Variants in SPG11 observed in about 807,000 individuals in gnomAD.
SPG11 encodes the protein spatacsin.
A neutral mutation model predicts 274.0 loss-of-function variants in SPG11; 222 were observed. The observed-to-expected ratio is 0.81, with a 90% CI of 0.73 to 0.91. The LOEUF is 0.91. Ranked by LOEUF, SPG11 falls within the 40% of genes least tolerant of loss-of-function variation. SPG11 has a pLI of 0.00. For missense variants in SPG11, 3,114 were observed against 2,872.7 expected (o/e 1.08, Z -1.92); for synonymous variants, 1,144 against 1,039.7 (o/e 1.10, Z -1.93).
At chr15:44,615,860 T>C (rs1311708379) in intron 15 of SPG11, among the ~76,000 whole-genome samples, 1 of 152,204 alleles carries the variant, frequency 6.6e-6, no homozygotes, top group African/African-American at 2.4e-5. Flanking sequence ...TTACCCAGTA[T>C]AGCAACAGTG....
intron 11 of SPG11, among the ~76,000 whole-genome samples, chr15:44,625,527 T>C (rs778818669): frequency 6.6e-6 from 1 of 152,188 alleles, no homozygotes; most frequent in African/African-American, 2.4e-5. Flanking sequence ...TCTCCTGCCA[T>C]GTAAGACAGG....
At chr15:44,638,484 CA>C (rs896697220) in intron 7 of SPG11, among the ~76,000 whole-genome samples, 8 of 135,708 alleles carry the variant, frequency 5.9e-5, no homozygotes, top group Admixed American at 3.2e-4. Context: ...AAACAAACAA[CA>C]AAAAAAACCA....
intron 1 of SPG11, among the ~76,000 whole-genome samples, chr15:44,662,129 T>C (rs2085127680): frequency 6.6e-6 from 1 of 152,202 alleles, no homozygotes; most frequent in African/African-American, 2.4e-5. Flanking sequence ...TAATTTCCCC[T>C]AAACTAGTTT....
chr15:44,564,717 G>T lies in SPG11; in HGVS notation c.7000-19C>A. 1 of 1,614,038 alleles carries T rather than the reference G, an allele frequency of 6.2e-7. No individual in the cohort carries two copies. Among genetic ancestry groups the T allele is most frequent in the Non-Finnish European group, 8.5e-7 (1 of 1,179,972 alleles). On this transcript the variant is annotated intron_variant, in intron 38 of 39. Coordinates refer to ENST00000261866, the MANE Select transcript of SPG11 (RefSeq NM_025137.4). ...TAGAAGCCTTAAAAGGAGAGGTGAAGAAGGACACCATCAGAGCCCATCTGA... is the reference window on the plus strand; with the variant it reads ...TAGAAGCCTTAAAAGGAGAGGTGAATAAGGACACCATCAGAGCCCATCTGA...
At chr15:44,563,329 TAA>T (rs747263774) in intron 39 of SPG11, 28 bp from the exon 40 acceptor site, 22 of 1,596,998 alleles carry the variant, frequency 1.4e-5, no homozygotes, top group Non-Finnish European at 1.7e-5. Flanking sequence ...ATGTACAGGT[TAA>T]GATACTGTTT....
rs199611470 is a variant in SPG11 at position 44,633,682 on chromosome 15, GA to G, written c.1603-46del. 147 of 1,576,248 alleles carry G rather than the reference GA, an allele frequency of 9.3e-5. 1 individual carries two copies. The highest frequency in any genetic ancestry group is 5.7e-4 in the African/African-American group (42 of 73,344). ...AAAAATCAGAAAAAAATTACAATAG[GA>G]AAAAAAAATCAGGATTCAGATTTTT... On this transcript the variant is annotated intron_variant, in intron 7 of 39. Coordinates refer to ENST00000261866, the MANE Select transcript of SPG11 (RefSeq NM_025137.4).
At chr15:44,602,546 T>C (rs1185126131) in intron 20 of SPG11, among the ~76,000 whole-genome samples, 3 of 151,798 alleles carry the variant, frequency 2.0e-5, no homozygotes, top group African/African-American at 7.3e-5. Flanking sequence ...TAGCGTGATC[T>C]TGGCTCACTG....
At chr15:44,622,665 C>T (rs117989754) in intron 12 of SPG11, 63 bp downstream of exon 12, 2 of 1,344,974 alleles carry the variant, frequency 1.5e-6, no homozygotes, top group African/African-American at 1.4e-5. Flanking sequence ...CCAAGGTTTT[C>T]TTCCAAGTTT....
At chr15:44,642,364 C>CAAA (rs36011354) in intron 7 of SPG11, among the ~76,000 whole-genome samples, 3 of 44,538 alleles carry the variant, frequency 6.7e-5, no homozygotes, top group Non-Finnish European at 1.1e-4. Flanking sequence ...GACTCCATCT[C>CAAA]AAAAAAAAAA....
intron 8 of SPG11, among the ~76,000 whole-genome samples, chr15:44,630,618 C>A (rs1451893483): frequency 6.6e-6 from 1 of 152,122 alleles, no homozygotes. Flanking sequence ...TTTCACTTGT[C>A]CTCCAGGCTG....
At chr15:44,563,437 C>G in intron 39 of SPG11, 136 bp from the exon 40 acceptor site, 1 of 731,196 alleles carries the variant, frequency 1.4e-6, no homozygotes, top group South Asian at 1.6e-5. Context: ...CTGCTGGGTT[C>G]AAGTGATTCT....
intron 25 of SPG11, among the ~76,000 whole-genome samples, 176 bp from the exon 26 acceptor site, chr15:44,595,635 G>C (rs574723238): frequency 1.3e-5 from 2 of 152,336 alleles, no homozygotes; most frequent in Admixed American, 1.3e-4. Context: ...GTTCTAAACT[G>C]TCCTGCAGAG....
Position 44,660,557 on chromosome 15 carries a change from G to C in SPG11, c.317C>G (p.Ala106Gly). The C allele has an allele frequency of 9.9e-6, 16 of 1,614,126 alleles. No homozygotes were observed. The highest frequency in any genetic ancestry group is 1.4e-5 in the Non-Finnish European group (16 of 1,180,010). ...AAGCAGTTCATAATTTTCACCAAGA[G>C]CGAGCAGTTTGGGCTTTTCAGTTGG... ...STPTEKPKLLALGENYELLIY... is the reference protein window; with the variant it reads ...STPTEKPKLLGLGENYELLIY... Residue 106 changes from alanine (A) to glycine (G), a missense_variant, in exon 2 of 40, where the codon GCT becomes GGT. By Grantham distance (60) the Ala-to-Gly change is moderately conservative. Transcript: ENST00000261866.
chr15:44,644,569 A>T (rs2084551421), intron 7 of SPG11, among the ~76,000 whole-genome samples: 1 of 152,172 alleles, frequency 6.6e-6, no homozygotes, highest in African/African-American at 2.4e-5. Flanking sequence ...GGATGTCCTA[A>T]CCAGAAAAAT....
intron 7 of SPG11, among the ~76,000 whole-genome samples, chr15:44,635,630 A>G (rs1004402081): frequency 2.8e-4 from 42 of 150,792 alleles, no homozygotes; most frequent in African/African-American, 9.0e-4. Flanking sequence ...AGAAAAAAGG[A>G]AAAAAGCCGG....
intron 8 of SPG11, among the ~76,000 whole-genome samples, chr15:44,631,646 T>C (rs2084063761): frequency 6.7e-6 from 1 of 148,174 alleles, no homozygotes. Context: ...TTATTTAACA[T>C]GAAACTGCAT....
chr15:44,603,896 T>C (rs971471236), intron 20 of SPG11, among the ~76,000 whole-genome samples: 1 of 151,308 alleles, frequency 6.6e-6, no homozygotes, highest in African/African-American at 2.4e-5. Flanking sequence ...TTTTAAATTG[T>C]TTGTTTGTTC....
At chr15:44,569,531 T>A (rs1241895248) in intron 34 of SPG11, 26 bp from the exon 35 acceptor site, 3 of 1,528,292 alleles carry the variant, frequency 2.0e-6, no homozygotes, top group Non-Finnish European at 2.7e-6. Context: ...ACAGCTCGCA[T>A]CAGCATCACC....
intron 7 of SPG11, among the ~76,000 whole-genome samples, chr15:44,638,994 C>CAA (rs200325198): frequency 0.014 from 1,935 of 138,136 alleles, 42 homozygotes; most frequent in East Asian, 0.066. Flanking sequence ...AGACTGTCTC[C>CAA]AAAAAAAAAA....
Sources: gnomAD v4.1 joint callset for allele counts (sites outside exome capture counted in the v4.1 genomes callset) on GRCh38, gnomAD v4.1.1 for gene constraint, MANE v1.5 for transcripts, NCBI Gene and HGNC (gene_info 2026-07-23, HGNC 2026-07-21) for gene names.